Variants in ITGA1 observed in about 807,000 individuals in gnomAD.
The protein encoded by ITGA1 is integrin subunit alpha 1.
In ITGA1, 85 loss-of-function variants were observed where a neutral mutation model predicts 145.9. That is an observed-to-expected ratio of 0.58 (90% confidence interval 0.49 to 0.70). The LOEUF is 0.70. Among genes scored for constraint, ITGA1 ranks in the 30% least tolerant of loss-of-function variants. The pLI is 0.00. For missense variants in ITGA1, 1,351 were observed against 1,418.7 expected, an observed-to-expected ratio of 0.95 and a Z score of 0.77; for synonymous variants, 520 against 495.3, an observed-to-expected ratio of 1.05 and a Z score of -0.66.
chr5:52,910,528 T>C (rs937780181), intron 14 of ITGA1, 109 bp downstream of exon 14: 36 of 1,193,046 alleles, frequency 3.0e-5, no homozygotes, highest in Non-Finnish European at 3.9e-5. Flanking sequence ...CCTGACCTTA[T>C]TGGGAAACTG....
At chr5:52,935,749 T>C (rs1750956499) in intron 23 of ITGA1, among the ~76,000 whole-genome samples, 1 of 152,208 alleles carries the variant, frequency 6.6e-6, no homozygotes, top group African/African-American at 2.4e-5. Flanking sequence ...CATAGCATAA[T>C]ACATTTTACA....
chr5:52,927,102 T>C (rs533013948), intron 19 of ITGA1, among the ~76,000 whole-genome samples: 20 of 152,310 alleles, frequency 1.3e-4, no homozygotes, highest in Admixed American at 5.9e-4. Flanking sequence ...AACCACTTGA[T>C]AGAAAATCAG....
chr5:52,916,398 A>C (rs1292597094), intron 15 of ITGA1, among the ~76,000 whole-genome samples: 2 of 152,178 alleles, frequency 1.3e-5, no homozygotes, highest in Non-Finnish European at 2.9e-5. Context: ...CTCCTAAATT[A>C]ATGCATTGGT....
At chr5:52,833,768 A>G (rs1749112984) in intron 1 of ITGA1, among the ~76,000 whole-genome samples, 1 of 152,230 alleles carries the variant, frequency 6.6e-6, no homozygotes, top group South Asian at 2.1e-4. Context: ...GTTTATCTAA[A>G]TTAAAATATA....
At chr5:52,855,022 A>C (rs1289269458) in intron 2 of ITGA1, among the ~76,000 whole-genome samples, 1 of 152,202 alleles carries the variant, frequency 6.6e-6, no homozygotes, top group Non-Finnish European at 1.5e-5. Flanking sequence ...ACTTGCATTA[A>C]ATTTTAAAAT....
chr5:52,852,896 G>A (rs1201067366), intron 2 of ITGA1, among the ~76,000 whole-genome samples: 1 of 152,212 alleles, frequency 6.6e-6, no homozygotes, highest in East Asian at 1.9e-4. Flanking sequence ...AAAGTTAAAT[G>A]TGACTCTCCT....
intron 1 of ITGA1, chr5:52,800,983 A>G (rs1748467341): frequency 6.2e-7 from 1 of 1,614,196 alleles, no homozygotes; most frequent in Non-Finnish European, 8.5e-7. Context: ...CCAGCGCCAC[A>G]TACACTTTGA....
At chr5:52,868,348 A>G (rs1481193315) in intron 6 of ITGA1, among the ~76,000 whole-genome samples, 3 of 152,242 alleles carry the variant, frequency 2.0e-5, no homozygotes, top group Admixed American at 2.0e-4. Flanking sequence ...CTCTTTTAGA[A>G]CAATAATTAC....
Position 52,939,597 on chromosome 5 carries a change from A to C in ITGA1, c.3086A>C (p.Asn1029Thr). 1 of 1,604,676 alleles carries C rather than the reference A, an allele frequency of 6.2e-7. No homozygotes were observed. Among genetic ancestry groups the C allele is most frequent in the Non-Finnish European group, 8.5e-7 (1 of 1,173,776 alleles). The change falls in exon 25 of 29, where the codon AAC becomes ACC. Residue 1029 changes from asparagine (N) to threonine (T), a missense_variant. Asn to Thr is a moderately conservative substitution (Grantham distance 65). Transcript: ENST00000282588. ...PTGLSSSENA[N>T]CRPHIFEDPF... ...TAATATTTTCATTTCTAGAATGCAA[A>C]CTGCAGACCCCATATCTTTGAGGAT...
At chr5:52,910,937 T>A (rs963499706) in intron 14 of ITGA1, among the ~76,000 whole-genome samples, 12 of 138,230 alleles carry the variant, frequency 8.7e-5, no homozygotes, top group African/African-American at 3.1e-4. Context: ...ATATATGGTA[T>A]GTATACTGTA....
chr5:52,852,110 G>T (rs934844686), intron 2 of ITGA1, among the ~76,000 whole-genome samples: 3 of 152,132 alleles, frequency 2.0e-5, no homozygotes, highest in African/African-American at 7.2e-5. Flanking sequence ...GTCACTCCAA[G>T]CTTGGGAAGC....
chr5:52,868,710 C>T (rs1749728082), intron 6 of ITGA1, among the ~76,000 whole-genome samples: 1 of 152,190 alleles, frequency 6.6e-6, no homozygotes, highest in South Asian at 2.1e-4. Flanking sequence ...TACCAAGATC[C>T]AGGACCTCAA....
intron 1 of ITGA1, among the ~76,000 whole-genome samples, chr5:52,832,497 C>A (rs1749087005): frequency 6.6e-6 from 1 of 152,156 alleles, no homozygotes; most frequent in Non-Finnish European, 1.5e-5. Flanking sequence ...CTCATCCCTT[C>A]TACCCATAAG....
chr5:52,866,158 G>A (rs1749684014), intron 6 of ITGA1, among the ~76,000 whole-genome samples: 2 of 152,102 alleles, frequency 1.3e-5, no homozygotes, highest in Non-Finnish European at 2.9e-5. Context: ...GGAATTACAG[G>A]CATGCGCCAT....
chr5:52,937,335 C>G (rs1191458640), intron 23 of ITGA1, 66 bp from the exon 24 acceptor site: 4 of 1,054,422 alleles, frequency 3.8e-6, no homozygotes, highest in East Asian at 2.4e-5. Context: ...AAACAAAGCC[C>G]TACATAAGAC....
rs1260730312 is a variant in ITGA1, at chr5:52,922,819, T to C, written c.2335T>C (p.Phe779Leu). ...FQDSVRITLDFNLTDPENGPV... is the reference protein window; with the variant it reads ...FQDSVRITLDLNLTDPENGPV... ...GGACTCTGTGAGAATAACGTTGGACTTTAATCTTACCGATCCAGAAAATGG... is the reference window on the plus strand; with the variant it reads ...GGACTCTGTGAGAATAACGTTGGACCTTAATCTTACCGATCCAGAAAATGG... The change falls in exon 18 of 29, where the codon TTT becomes CTT. Residue 779 changes from phenylalanine (F) to leucine (L), a missense_variant. Physicochemically the swap from Phe to Leu is conservative, Grantham distance 22. Transcript: ENST00000282588. The C allele has an allele frequency of 3.1e-6, 5 of 1,613,546 alleles. No individual in the cohort carries two copies. Among genetic ancestry groups the C allele is most frequent in the Non-Finnish European group, 3.4e-6 (4 of 1,179,564 alleles).
intron 1 of ITGA1, among the ~76,000 whole-genome samples, chr5:52,797,414 A>C (rs901919199): frequency 1.2e-4 from 18 of 152,062 alleles, no homozygotes; most frequent in African/African-American, 4.3e-4. Flanking sequence ...CTAAAGTAGA[A>C]CATTAGATCT....
At chr5:52,951,225 C>A (rs919208832) in intron 28 of ITGA1, among the ~76,000 whole-genome samples, 1 of 152,116 alleles carries the variant, frequency 6.6e-6, no homozygotes, top group African/African-American at 2.4e-5. Context: ...TGTAGAGGTG[C>A]CACACTTTTA....
intron 15 of ITGA1, among the ~76,000 whole-genome samples, chr5:52,917,515 G>A (rs1478534614): frequency 6.6e-6 from 1 of 152,068 alleles, no homozygotes; most frequent in Non-Finnish European, 1.5e-5. Flanking sequence ...AATGAGATGG[G>A]ATTGAATGCA....
Sources: allele counts gnomAD v4.1 joint callset (sites outside exome capture counted in the v4.1 genomes callset), GRCh38; gene constraint gnomAD v4.1.1; transcripts MANE v1.5; gene names NCBI Gene and HGNC (gene_info 2026-07-23, HGNC 2026-07-21).